The following IL1RL1 variants were observed in gnomAD, a reference collection of about 807,000 sequenced individuals.
The protein encoded by IL1RL1 is interleukin-1 receptor-like 1.
Under a neutral mutation model 50.9 loss-of-function variants are expected in IL1RL1, and 32 were observed. That is an observed-to-expected ratio of 0.63 (90% CI 0.47 to 0.84). The LOEUF is 0.84. Ranked by LOEUF, IL1RL1 falls within the 40% of genes least tolerant of loss-of-function variation. The probability of loss-of-function intolerance (pLI) is 0.00; values close to 1 mark genes in which losing one functional copy is unlikely to be tolerated. For missense variants in IL1RL1, 773 were observed against 662.9 expected, an observed-to-expected ratio of 1.17 and a Z score of -1.82; for synonymous variants, 275 against 236.0, an observed-to-expected ratio of 1.17 and a Z score of -1.51.
At chr2:102,344,479 C>A (rs958478033) in intron 8 of IL1RL1, 4 of 425,864 alleles carry the variant, frequency 9.4e-6, no homozygotes, top group Admixed American at 6.4e-5. Context: ...TTCCAGGGAG[C>A]CTTTCTTGGC....
At chr2:102,350,723 T>G (rs975321162) in intron 10 of IL1RL1, among the ~76,000 whole-genome samples, 3 of 59,232 alleles carry the variant, frequency 5.1e-5, no homozygotes, top group Non-Finnish European at 1.0e-4. Flanking sequence ...GGTCAGAGGG[T>G]GGTCATGTAC....
chr2:102,345,580 G>T, intron 8 of IL1RL1: 1 of 985,440 alleles, frequency 1.0e-6, no homozygotes, highest in South Asian at 4.7e-5. Flanking sequence ...AAAGGATAGG[G>T]GTGTGGGGAC....
chr2:102,330,433 A>G (rs1456710794), intron 1 of IL1RL1, among the ~76,000 whole-genome samples: 4 of 152,236 alleles, frequency 2.6e-5, no homozygotes, highest in Admixed American at 6.5e-5. Context: ...TGGCACATGT[A>G]TACATATGTA....
In IL1RL1 at chr2:102,340,089, T is replaced by A. The variant is rs775332152; in HGVS notation, c.273-9T>A. On this transcript the variant is annotated splice_polypyrimidine_tract_variant and intron_variant, in intron 3 of 10. Transcript: ENST00000233954. ...GTGACTCTTTTAATTGTCTGACTTATTTTAACAGTCCCACATTCAATAGGA... is the reference window on the plus strand; with the variant it reads ...GTGACTCTTTTAATTGTCTGACTTAATTTAACAGTCCCACATTCAATAGGA... The A allele has an allele frequency of 2.0e-6, 3 of 1,475,296 alleles. No homozygotes were observed. The highest frequency in any genetic ancestry group is 9.0e-7 in the Non-Finnish European group (1 of 1,106,536). 91.4% of individuals were successfully genotyped at this position (1,475,296 alleles called of 1,614,324 possible).
At chr2:102,313,272 A>G (rs1676574586) in intron 1 of IL1RL1, 1 of 152,156 alleles carries the variant, frequency 6.6e-6, no homozygotes, top group South Asian at 2.1e-4. Flanking sequence ...AGCAGTCAAC[A>G]CTTAATGATG....
chr2:102,319,850 G>A (rs184007748), intron 1 of IL1RL1, among the ~76,000 whole-genome samples: 35 of 152,158 alleles, frequency 2.3e-4, no homozygotes, highest in Non-Finnish European at 1.2e-4. Context: ...CATCATGGCA[G>A]ACTAATTTTT....
chr2:102,337,728 G>A (rs1422058813), intron 1 of IL1RL1, among the ~76,000 whole-genome samples: 1 of 152,090 alleles, frequency 6.6e-6, no homozygotes, highest in African/African-American at 2.4e-5. Flanking sequence ...TGAGCATGCT[G>A]CTACCAGCCT....
rs746508689 is a variant in IL1RL1, at chr2:102,340,797, T to C, written c.579T>C (p.Ser193=). The C allele has an allele frequency of 1.3e-6, 2 of 1,580,756 alleles. No homozygotes were observed. The highest frequency in any genetic ancestry group is 2.3e-5 in the East Asian group (1 of 42,784). ...ACAATGAAAATGGAGCCAATTATAG[T>C]GTGACGGCGACCAGGTCCTTCACGG... ...FIHNENGANY[S]VTATRSFTVK... Residue 193 remains serine, a synonymous_variant, in exon 5 of 11, where the codon AGT becomes AGC. Coordinates refer to ENST00000233954, the MANE Select transcript of IL1RL1 (RefSeq NM_016232.5).
At chr2:102,340,591 A>C in intron 4 of IL1RL1, 75 bp from the exon 5 acceptor site, 1 of 1,477,506 alleles carries the variant, frequency 6.8e-7, no homozygotes, top group Non-Finnish European at 9.2e-7. Flanking sequence ...CAGCCTAGGC[A>C]ACAAACATTC....
intron 8 of IL1RL1, among the ~76,000 whole-genome samples, 188 bp from the exon 9 acceptor site, chr2:102,347,757 G>A (rs189050502): frequency 6.6e-6 from 1 of 152,080 alleles, no homozygotes; most frequent in Non-Finnish European, 1.5e-5. Context: ...GCCCTATAAT[G>A]CTTAGCCTGA....
At chr2:102,320,703 T>C (rs1364339787) in intron 1 of IL1RL1, among the ~76,000 whole-genome samples, 1 of 152,134 alleles carries the variant, frequency 6.6e-6, no homozygotes, top group African/African-American at 2.4e-5. Context: ...TTGACTGCTC[T>C]CATATCCTGT....
At chr2:102,345,426 C>T (rs1439577123) in intron 8 of IL1RL1, 14 of 984,926 alleles carry the variant, frequency 1.4e-5, no homozygotes, top group Non-Finnish European at 1.7e-5. Flanking sequence ...ACACTCATCA[C>T]TCCTCAGGGG....
At chr2:102,344,880 T>G in intron 8 of IL1RL1, 1 of 972,924 alleles carries the variant, frequency 1.0e-6, no homozygotes, top group Non-Finnish European at 1.2e-6. Context: ...TCCCTACAGT[T>G]TTTTCTGAAT....
Position 102,338,278 on chromosome 2 carries a change from T to G in IL1RL1, c.14T>G (p.Ile5Ser), listed in dbSNP as rs1677404887. 3 of 1,606,452 alleles carry G rather than the reference T, an allele frequency of 1.9e-6. No individual in the cohort carries two copies. The highest frequency in any genetic ancestry group is 2.6e-6 in the Non-Finnish European group (3 of 1,174,552). MGFW[I>S]LAILTILMYS... ...TTGATAAACAGAATGGGGTTTTGGA[T>G]CTTAGCAATTCTCACAATTCTCATG... Residue 5 changes from isoleucine (I) to serine (S), a missense_variant, in exon 2 of 11, where the codon ATC becomes AGC. Physicochemically the swap from Ile to Ser is moderately radical, Grantham distance 142. Coordinates refer to ENST00000233954, the MANE Select transcript of IL1RL1 (RefSeq NM_016232.5).
Position 102,346,028 on chromosome 2 carries a change from T to C in IL1RL1, c.971-1917T>C, listed in dbSNP as rs186081564. The C allele has an allele frequency of 4.7e-4, 458 of 982,172 alleles. 1 individual carries two copies. In the African/African-American group the frequency reaches 7.6e-3, roughly 16 times the overall value. The allele number at this position is 982,172 out of a possible 1,614,324, so 60.8% of individuals were successfully genotyped here. A position where few individuals can be genotyped will look rare whatever the true frequency, so the allele number is the denominator to read the frequency against. On this transcript the variant is annotated intron_variant, in intron 8 of 10. Transcript: ENST00000233954. Reference sequence around the variant, plus strand: ...CTAGCTTATTTGTATTTCACCTGTTTTTCTTTAAATCAACATGGTTACACT... The same window carrying C: ...CTAGCTTATTTGTATTTCACCTGTTCTTCTTTAAATCAACATGGTTACACT...
intron 1 of IL1RL1, among the ~76,000 whole-genome samples, chr2:102,333,164 A>T (rs1677220490): frequency 6.6e-6 from 1 of 152,052 alleles, no homozygotes; most frequent in Non-Finnish European, 1.5e-5. Context: ...GTTCTAACAG[A>T]ATCTCCAGAG....
rs1677947568 is a variant in IL1RL1 at position 102,351,879 on chromosome 2, A to G, written c.1629A>G (p.Arg543=). ...TGCCTGTGCCAAGCAAAATTCCCAG[A>G]AAGGCCTCTAGTTTGACTCCCTTGG... ...YQMPVPSKIP[R]KASSLTPLAA... The change falls in exon 11 of 11, where the codon AGA becomes AGG. Residue 543 remains arginine (R), a synonymous_variant. Coordinates refer to ENST00000233954, the MANE Select transcript of IL1RL1 (RefSeq NM_016232.5). 1.2e-6 allele frequency: 2 copies of G among 1,613,732 alleles called. No individual in the cohort carries two copies. The highest frequency in any genetic ancestry group is 1.7e-6 in the Non-Finnish European group (2 of 1,179,828).
At chr2:102,347,188 G>T (rs568024618) in intron 8 of IL1RL1, among the ~76,000 whole-genome samples, 3 of 152,272 alleles carry the variant, frequency 2.0e-5, no homozygotes, top group African/African-American at 7.2e-5. Flanking sequence ...TCTCCTTAAT[G>T]CCCTGACAGC....
chr2:102,343,618 T>C (rs1224535950), intron 8 of IL1RL1: 1 of 1,446,308 alleles, frequency 6.9e-7, no homozygotes, highest in South Asian at 1.5e-5. Flanking sequence ...GCTTAAATTG[T>C]TCGTCCTCCC....
Sources: gnomAD v4.1 joint callset for allele counts (sites outside exome capture counted in the v4.1 genomes callset) on GRCh38, gnomAD v4.1.1 for gene constraint, MANE v1.5 for transcripts, NCBI Gene and HGNC (gene_info 2026-07-23, HGNC 2026-07-21) for gene names.